Variants in DHX34 observed in about 807,000 individuals in gnomAD.
DHX34 encodes probable ATP-dependent RNA helicase DHX34.
Under a neutral mutation model 111.1 loss-of-function variants are expected in DHX34, and 96 were observed. The ratio of observed to expected loss-of-function variants is 0.86; its 90% confidence interval spans 0.73 to 1.02. DHX34 has a LOEUF of 1.02. Ranked by LOEUF, DHX34 falls within the 50% of genes least tolerant of loss-of-function variation. DHX34 has a pLI of 0.00. For synonymous variants in DHX34, 688 were observed against 670.4 expected, an observed-to-expected ratio of 1.03 and a Z score of -0.41; for missense variants, 1,560 against 1,579.9, an observed-to-expected ratio of 0.99 and a Z score of 0.21.
chr19:47,355,112 T>C lies in DHX34; in HGVS notation c.779T>C (p.Leu260Pro). The stretch of plus-strand genomic sequence containing the variant: ...ATTGTATTCCTGACAGTGGGGCTGC[T>C]CCTGCGACAAATCCAGCGGGAACCC... ...TKIVFLTVGL[L>P]LRQIQREPSL... is the part of the protein sequence containing the mutation. The change falls in exon 3 of 17, where the codon CTC (leucine) becomes CCC (proline). Residue 260 changes from leucine to proline, a missense_variant. Leu to Pro is a moderately conservative substitution (Grantham distance 98, BLOSUM62 -3). Coordinates refer to ENST00000328771, the MANE Select transcript of DHX34 (RefSeq NM_014681.6). 6.2e-7 allele frequency: 1 copy of C among 1,613,896 alleles called. No homozygotes were observed. Among genetic ancestry groups the C allele is most frequent in the Non-Finnish European group, 8.5e-7 (1 of 1,179,984 alleles).
chr19:47,381,808 A>C (rs903230419), intron 16 of DHX34, 172 bp from the exon 17 acceptor site: 7 of 956,496 alleles, frequency 7.3e-6, no homozygotes, highest in East Asian at 1.2e-4. Flanking sequence ...ATGCGGAGTA[A>C]AGACAGACCT....
At chr19:47,355,447 C>A in intron 3 of DHX34, 97 bp downstream of exon 3, 1 of 1,490,482 alleles carries the variant, frequency 6.7e-7, no homozygotes, top group Non-Finnish European at 9.0e-7. Context: ...TATCTCCCAT[C>A]TCTTTCATTT....
At chr19:47,372,330 G>A (rs1222312417) in intron 7 of DHX34, among the ~76,000 whole-genome samples, 1 of 152,088 alleles carries the variant, frequency 6.6e-6, no homozygotes, top group East Asian at 1.9e-4. Context: ...CTAGCGCGGA[G>A]GAGAGACGTC....
intron 12 of DHX34, chr19:47,376,872 G>GC (rs1461860410): frequency 6.5e-7 from 1 of 1,532,884 alleles, no homozygotes. Context: ...GCAGAGGGAG[G>GC]CCCCCCTGGC....
chr19:47,379,559 G>T lies in DHX34; in HGVS notation c.2707-151G>T, dbSNP rs908849556. On this transcript the variant is annotated intron_variant, in intron 13 of 16. Coordinates refer to ENST00000328771, the MANE Select transcript of DHX34 (RefSeq NM_014681.6). ...ATGCCGTATCCCCAGCACCCGAAGG[G>T]GTGCCTGGTACAGCGGGTAGATGGC... 6.8e-6 allele frequency: 10 copies of T among 1,460,384 alleles called. No individual in the cohort carries two copies. The East Asian group carries it at 2.1e-4, about 31-fold the overall frequency. 90.5% of individuals were successfully genotyped at this position (1,460,384 alleles called of 1,614,324 possible). A position where few individuals can be genotyped will look rare whatever the true frequency, so the allele number is the denominator to read the frequency against.
At chr19:47,362,280 A>G in intron 5 of DHX34, 196 bp from the exon 6 acceptor site, 1 of 855,612 alleles carries the variant, frequency 1.2e-6, no homozygotes. Flanking sequence ...AAAAAAAAAA[A>G]AAAAAAAAAA....
chr19:47,349,970 C>A (rs556606242), intron 1 of DHX34, among the ~76,000 whole-genome samples: 32 of 152,166 alleles, frequency 2.1e-4, no homozygotes, highest in African/African-American at 7.5e-4. Context: ...ATGTAACACT[C>A]GGCTACTCAC....
At position 47,382,079 on chromosome 19, in the gene DHX34, C is replaced by T. The variant is rs1370312864; in HGVS notation, c.3398C>T (p.Thr1133Ile). 1 of 1,614,104 alleles carries T rather than the reference C, an allele frequency of 6.2e-7. No homozygotes were observed. Among genetic ancestry groups the T allele is most frequent in the Non-Finnish European group, 8.5e-7 (1 of 1,180,016 alleles). ...GGGAAGGACTTCCTCTTTACACCCA[C>T]AGAGGTGCTGCGCCACCGGAAGCAG... ...ACGKDFLFTP[T>I]EVLRHRKQHV The change falls in exon 17 of 17, where the codon ACA (threonine) becomes ATA (isoleucine). Residue 1133 changes from threonine to isoleucine, a missense_variant. Physicochemically the swap from Thr to Ile is moderately conservative, Grantham distance 89. Coordinates refer to ENST00000328771, the MANE Select transcript of DHX34 (RefSeq NM_014681.6).
At chr19:47,354,915 A>C in intron 2 of DHX34, 124 bp from the exon 3 acceptor site, 1 of 1,498,496 alleles carries the variant, frequency 6.7e-7, no homozygotes, top group South Asian at 1.3e-5. Context: ...CTGCCTCCCA[A>C]AGTGCTGGGA....
intron 15 of DHX34, 78 bp downstream of exon 15, chr19:47,381,070 A>G (rs1599780769): frequency 1.3e-6 from 2 of 1,550,064 alleles, no homozygotes; most frequent in Non-Finnish European, 8.7e-7. Context: ...GTCCAGGGAC[A>G]TAGTTCCCAA....
At position 47,379,823 on chromosome 19, in the gene DHX34, G is replaced by A. The variant is rs1467614402; in HGVS notation, c.2820G>A (p.Leu940=). The A allele has an allele frequency of 3.1e-6, 5 of 1,613,728 alleles. No individual in the cohort carries two copies. The African/African-American group carries it at 6.7e-5, about 22-fold the overall frequency. ...ACAGTGAAAGTGCCATCCGACTCCT[G>A]GCGGCTTCCCTGCGGCTCCGTGCCC... ...LADSESAIRL[L]AASLRLRARW... is the part of the protein sequence containing the mutation. Residue 940 remains leucine (L), a synonymous_variant, in exon 14 of 17, where the codon CTG becomes CTA. Transcript: ENST00000328771.
At chr19:47,365,430 T>C (rs1969761385) in intron 6 of DHX34, among the ~76,000 whole-genome samples, 3 of 151,938 alleles carry the variant, frequency 2.0e-5, no homozygotes, top group Admixed American at 6.6e-5. Context: ...TTTTGTAATT[T>C]TAGTAGAGAG....
chr19:47,378,474 G>T (rs570731656), intron 13 of DHX34, among the ~76,000 whole-genome samples: 1 of 152,142 alleles, frequency 6.6e-6, no homozygotes, highest in Admixed American at 6.5e-5. Context: ...GAGGATTGGC[G>T]ACCAGCCGGG....
chr19:47,381,948 C>T (rs992137684), intron 16 of DHX34, 32 bp from the exon 17 acceptor site: 20 of 1,613,608 alleles, frequency 1.2e-5, no homozygotes, highest in Non-Finnish European at 1.5e-5. Context: ...CTGGAACACG[C>T]CCCTCACAGC....
chr19:47,381,755 G>A, intron 16 of DHX34: 1 of 740,374 alleles, frequency 1.4e-6, no homozygotes, highest in Non-Finnish European at 1.6e-6. Flanking sequence ...CAGTCTCCAT[G>A]TCTCTCCTTG....
At position 47,375,725 on chromosome 19, in the gene DHX34, G is replaced by A. The variant is rs1401700031; in HGVS notation, c.2307+17G>A. ...GACATCCAGGTGGGCGCCATGGGCT[G>A]TGGGGTGTGGGGGTTTACCAAGGTG... On this transcript the variant is annotated intron_variant, in intron 10 of 16. Transcript: ENST00000328771. 7.7e-6 allele frequency: 12 copies of A among 1,560,638 alleles called. No individual in the cohort carries two copies. The highest frequency in any genetic ancestry group is 2.0e-5 in the Admixed American group (1 of 49,898).
At position 47,375,966 on chromosome 19, in the gene DHX34, G is replaced by A; in HGVS notation, c.2350G>A (p.Ala784Thr). Residue 784 changes from alanine (A) to threonine (T), a missense_variant, in exon 11 of 17, where the codon GCC becomes ACC. By Grantham distance (58) the Ala-to-Thr change is moderately conservative. Coordinates refer to ENST00000328771, the MANE Select transcript of DHX34 (RefSeq NM_014681.6). The stretch of plus-strand genomic sequence containing the variant: ...TCGGCATGACCTGGCGCAGCTGCAG[G>A]CCGCTGCCAGCTCAGCCCAGGACCT... ...KLRHDLAQLQ[A>T]AASSAQDLSR... 6.2e-7 allele frequency: 1 copy of A among 1,602,772 alleles called. No homozygotes were observed. Among genetic ancestry groups the A allele is most frequent in the Non-Finnish European group, 8.5e-7 (1 of 1,177,522 alleles).
At chr19:47,375,781 G>A (rs1970130602) in intron 10 of DHX34, 73 bp downstream of exon 10, 1 of 1,561,878 alleles carries the variant, frequency 6.4e-7, no homozygotes, top group Non-Finnish European at 8.6e-7. Context: ...GGGTCCCAGG[G>A]GACATGGCCC....
intron 13 of DHX34, among the ~76,000 whole-genome samples, chr19:47,379,159 T>A (rs2016429): frequency 6.9e-6 from 1 of 145,078 alleles, no homozygotes; most frequent in Admixed American, 6.9e-5. Flanking sequence ...ATAATAATAA[T>A]AAGAAGAAGA....
Sources: gnomAD v4.1 joint callset for allele counts (sites outside exome capture counted in the v4.1 genomes callset) on GRCh38, gnomAD v4.1.1 for gene constraint, MANE v1.5 for transcripts, NCBI Gene and HGNC (gene_info 2026-07-23, HGNC 2026-07-21) for gene names.